The following ATXN7L3B variants were observed in gnomAD, a reference collection of about 807,000 sequenced individuals.
The protein encoded by ATXN7L3B is ataxin-7-like protein 3B.
ATXN7L3B carries 4 observed loss-of-function variants against 6.3 expected under a neutral mutation model. The ratio of observed to expected loss-of-function variants is 0.63; its 90% CI spans 0.31 to 1.45. The LOEUF (loss-of-function observed/expected upper bound fraction) is 1.45. Among genes scored for constraint, ATXN7L3B ranks in the 40% most tolerant of loss-of-function variants. The probability of loss-of-function intolerance (pLI) is 0.07; values close to 1 mark genes in which losing one functional copy is unlikely to be tolerated. For missense variants in ATXN7L3B, 120 were observed against 118.5 expected (o/e 1.01, Z -0.06); for synonymous variants, 63 against 48.0 (o/e 1.31, Z -1.29).
chr12:74,538,817 C>T lies in ATXN7L3B; in HGVS notation c.*411C>T, dbSNP rs1015624695. Reference sequence around the variant, plus strand: ...GTTTGGACGTTACAGTTCGTCAGGCCGTGATCAGTGGCCTGCAGTGGGACT... The same window carrying T: ...GTTTGGACGTTACAGTTCGTCAGGCTGTGATCAGTGGCCTGCAGTGGGACT... On this transcript the variant is annotated 3_prime_UTR_variant, in exon 1 of 1. Transcript: ENST00000519948. 1.3e-4 allele frequency: 25 copies of T among 195,396 alleles called. No homozygotes were observed. The Admixed American group carries it at 1.3e-3, about 10-fold the overall frequency. 12.1% of individuals were successfully genotyped at this position (195,396 alleles called of 1,614,324 possible).
At position 74,544,084 on chromosome 12, in the gene ATXN7L3B, G is replaced by A. The variant is rs1868961882; in HGVS notation, c.*5678G>A. On this transcript the variant is annotated 3_prime_UTR_variant, in exon 1 of 1. Coordinates refer to ENST00000519948, the MANE Select transcript of ATXN7L3B (RefSeq NM_001136262.2). ...CCATTGAAAGTAGTGAGAAAATTTA[G>A]CACAGTTACTGGATATAAGATCAAT... 1 of 151,936 alleles carries A rather than the reference G, an allele frequency of 6.6e-6. No individual in the cohort carries two copies. Among genetic ancestry groups the A allele is most frequent in the Non-Finnish European group, 1.5e-5 (1 of 67,868 alleles). The allele number at this position is 151,936 out of a possible 1,614,324, so 9.4% of individuals were successfully genotyped here. A position where few individuals can be genotyped will look rare whatever the true frequency, so the allele number is the denominator to read the frequency against.
At position 74,544,845 on chromosome 12, in the gene ATXN7L3B, T is replaced by C. The variant is rs981534718; in HGVS notation, c.*6439T>C. The stretch of plus-strand genomic sequence containing the variant: ...ACAAACCAATAACCTGATGTGCTAG[T>C]TGTTTAGTTCTTATAACTGATTAAA... On this transcript the variant is annotated 3_prime_UTR_variant, in exon 1 of 1. Transcript: ENST00000519948. The C allele has an allele frequency of 1.3e-5, 2 of 152,018 alleles. No individual in the cohort carries two copies. The highest frequency in any genetic ancestry group is 2.9e-5 in the Non-Finnish European group (2 of 67,900). 9.4% of individuals were successfully genotyped at this position (152,018 alleles called of 1,614,324 possible).
rs532175314 is a variant in ATXN7L3B, at chr12:74,543,013, G to T, written c.*4607G>T. 1.1e-4 allele frequency: 16 copies of T among 152,202 alleles called. No homozygotes were observed. Among genetic ancestry groups the T allele is most frequent in the African/African-American group, 3.9e-4 (16 of 41,554 alleles). The allele number at this position is 152,202 out of a possible 1,614,324, so 9.4% of individuals were successfully genotyped here. On this transcript the variant is annotated 3_prime_UTR_variant, in exon 1 of 1. Coordinates refer to ENST00000519948, the MANE Select transcript of ATXN7L3B (RefSeq NM_001136262.2). ...GATTTTCATTTATGTTCCAAAAGAT[G>T]CCCATAATGTTGCTTTGGAGGACAG...
At position 74,539,950 on chromosome 12, in the gene ATXN7L3B, T is replaced by C. The variant is rs1194322900; in HGVS notation, c.*1544T>C. ...GCCCTGTGTTCCTCCTGTCCCCTGC[T>C]CCACTGCCTATCTGGTGCCCCAGGT... is the stretch of plus-strand genomic sequence containing the variant. On this transcript the variant is annotated 3_prime_UTR_variant, in exon 1 of 1. Transcript: ENST00000519948. 1 of 167,604 alleles carries C rather than the reference T, an allele frequency of 6.0e-6. No homozygotes were observed. The highest frequency in any genetic ancestry group is 1.5e-5 in the Non-Finnish European group (1 of 68,588). 10.4% of individuals were successfully genotyped at this position (167,604 alleles called of 1,614,324 possible).
rs535849087 is a variant in ATXN7L3B at position 74,543,806 on chromosome 12, C to T, written c.*5400C>T. ...CGAATTATTGCCTAAAAAACAAAGACATTAACAATATAGAAACCAAAGCTC... is the reference window on the plus strand; with the variant it reads ...CGAATTATTGCCTAAAAAACAAAGATATTAACAATATAGAAACCAAAGCTC... On this transcript the variant is annotated 3_prime_UTR_variant, in exon 1 of 1. Transcript: ENST00000519948. The T allele has an allele frequency of 1.3e-5, 2 of 151,976 alleles. No homozygotes were observed. The highest frequency in any genetic ancestry group is 4.2e-4 in the South Asian group (2 of 4,810). The allele number at this position is 151,976 out of a possible 1,614,324, so 9.4% of individuals were successfully genotyped here.
Position 74,538,603 on chromosome 12 carries a change from T to G in ATXN7L3B, c.*197T>G. The G allele has an allele frequency of 1.6e-6, 1 of 614,764 alleles. No homozygotes were observed. Among genetic ancestry groups the G allele is most frequent in the Non-Finnish European group, 2.9e-6 (1 of 346,224 alleles). The allele number at this position is 614,764 out of a possible 1,614,324, so 38.1% of individuals were successfully genotyped here. ...AAAGTGTATTACCTGGAGCAAGCTC[T>G]GAAGCCCTGGGCAGGAGGAGCTGCA... On this transcript the variant is annotated 3_prime_UTR_variant, in exon 1 of 1. Transcript: ENST00000519948.
rs1432979595 is a variant in ATXN7L3B at position 74,538,509 on chromosome 12, GT to G, written c.*107del. On this transcript the variant is annotated 3_prime_UTR_variant, in exon 1 of 1. Transcript: ENST00000519948. ...AAAAAAGTAGAAAAATCAGACAAAA[GT>G]TTTAATTCCCCCTTGAAGATCCTAG... 3 of 1,069,740 alleles carry G rather than the reference GT, an allele frequency of 2.8e-6. No individual in the cohort carries two copies. In the African/African-American group the frequency reaches 4.8e-5, roughly 17 times the overall value. 66.3% of individuals were successfully genotyped at this position (1,069,740 alleles called of 1,614,324 possible).
At position 74,538,971 on chromosome 12, in the gene ATXN7L3B, G is replaced by A. The variant is rs745525345; in HGVS notation, c.*565G>A. 6 of 169,236 alleles carry A rather than the reference G, an allele frequency of 3.5e-5. No individual in the cohort carries two copies. The highest frequency in any genetic ancestry group is 1.3e-4 in the Admixed American group (2 of 15,730). The allele number at this position is 169,236 out of a possible 1,614,324, so 10.5% of individuals were successfully genotyped here. ...AAGAATTATCAAGTTTGATAGGGAAGCTCTGTAGCCTTGACTCCAGCAAGA... is the reference window on the plus strand; with the variant it reads ...AAGAATTATCAAGTTTGATAGGGAAACTCTGTAGCCTTGACTCCAGCAAGA... On this transcript the variant is annotated 3_prime_UTR_variant, in exon 1 of 1. Coordinates refer to ENST00000519948, the MANE Select transcript of ATXN7L3B (RefSeq NM_001136262.2).
rs1868947118 is a variant in ATXN7L3B, at chr12:74,543,455, C to T, written c.*5049C>T. 2 of 151,998 alleles carry T rather than the reference C, an allele frequency of 1.3e-5. No individual in the cohort carries two copies. Among genetic ancestry groups the T allele is most frequent in the Admixed American group, 6.6e-5 (1 of 15,260 alleles). 9.4% of individuals were successfully genotyped at this position (151,998 alleles called of 1,614,324 possible). A position where few individuals can be genotyped will look rare whatever the true frequency, so the allele number is the denominator to read the frequency against. ...AAGGGAAGTCTATTTTAAAATAGAA[C>T]TCAAAAGTAACTCAAGGAATTGTTA... On this transcript the variant is annotated 3_prime_UTR_variant, in exon 1 of 1. Transcript: ENST00000519948.
chr12:74,538,315 G>C lies in ATXN7L3B; in HGVS notation c.203G>C (p.Gly68Ala). ...DFGIQPVEDKGACRLPLCSLP... is the reference protein window; with the variant it reads ...DFGIQPVEDKAACRLPLCSLP... ...GGCATTCAGCCAGTGGAAGACAAAG[G>C]AGCGTGCCGCCTCCCGCTTTGCTCC... is the stretch of plus-strand genomic sequence containing the variant. The change falls in exon 1 of 1, where the codon GGA becomes GCA. Residue 68 changes from glycine to alanine, a missense_variant. Gly to Ala is a moderately conservative substitution (Grantham distance 60). Transcript: ENST00000519948. The C allele has an allele frequency of 6.4e-7, 1 of 1,554,318 alleles. No individual in the cohort carries two copies. Among genetic ancestry groups the C allele is most frequent in the Non-Finnish European group, 8.7e-7 (1 of 1,148,540 alleles).
Position 74,542,856 on chromosome 12 carries a change from G to A in ATXN7L3B, c.*4450G>A, listed in dbSNP as rs1484840178. 6.6e-6 allele frequency: 1 copy of A among 150,714 alleles called. No individual in the cohort carries two copies. The highest frequency in any genetic ancestry group is 1.5e-5 in the Non-Finnish European group (1 of 67,590). The allele number at this position is 150,714 out of a possible 1,614,324, so 9.3% of individuals were successfully genotyped here. On this transcript the variant is annotated 3_prime_UTR_variant, in exon 1 of 1. Coordinates refer to ENST00000519948, the MANE Select transcript of ATXN7L3B (RefSeq NM_001136262.2). ...TTTATGAAGAAACTATGTGCTAAAAGCACAACAATTATTAAATTTATTTTC... is the reference window on the plus strand; with the variant it reads ...TTTATGAAGAAACTATGTGCTAAAAACACAACAATTATTAAATTTATTTTC...
In ATXN7L3B at chr12:74,538,317, G is replaced by A. The variant is rs752023398; in HGVS notation, c.205G>A (p.Ala69Thr). The A allele has an allele frequency of 5.8e-6, 9 of 1,554,002 alleles. No homozygotes were observed. Among genetic ancestry groups the A allele is most frequent in the South Asian group, 1.2e-5 (1 of 84,162 alleles). ...CATTCAGCCAGTGGAAGACAAAGGA[G>A]CGTGCCGCCTCCCGCTTTGCTCCCT... Reference protein sequence around the residue: ...FGIQPVEDKGACRLPLCSLPG... With the variant: ...FGIQPVEDKGTCRLPLCSLPG... Residue 69 changes from alanine (A) to threonine (T), a missense_variant, in exon 1 of 1, where the codon GCG becomes ACG. By Grantham distance (58) the Ala-to-Thr change is moderately conservative. Coordinates refer to ENST00000519948, the MANE Select transcript of ATXN7L3B (RefSeq NM_001136262.2).
In ATXN7L3B at chr12:74,538,151, G is replaced by A; in HGVS notation, c.39G>A (p.Lys13=). The A allele has an allele frequency of 6.3e-7, 1 of 1,575,768 alleles. No homozygotes were observed. Among genetic ancestry groups the A allele is most frequent in the Non-Finnish European group, 8.6e-7 (1 of 1,160,728 alleles). ...EISLANLDTN[K]LEAIAQEIYV... ...CGTTGGCCAACCTGGATACTAACAA[G>A]CTAGAGGCCATCGCTCAGGAGATTT... Residue 13 remains lysine (K), a synonymous_variant, in exon 1 of 1, where the codon AAG becomes AAA. Transcript: ENST00000519948.
chr12:74,542,771 CCTTCT>C lies in ATXN7L3B; in HGVS notation c.*4369_*4373del, dbSNP rs1868929625. The C allele has an allele frequency of 6.6e-6, 1 of 152,098 alleles. No individual in the cohort carries two copies. Among genetic ancestry groups the C allele is most frequent in the Admixed American group, 6.6e-5 (1 of 15,264 alleles). The allele number at this position is 152,098 out of a possible 1,614,324, so 9.4% of individuals were successfully genotyped here. ...GTGCACACATTAATAAGTAACATTG[CCTTCT>C]CTTAAGACCTATCTGAAGTGTTGTG... On this transcript the variant is annotated 3_prime_UTR_variant, in exon 1 of 1. Transcript: ENST00000519948.
At position 74,538,427 on chromosome 12, in the gene ATXN7L3B, A is replaced by G; in HGVS notation, c.*21A>G. ...AGTAGCTGCAAAATGAGAGTCTGAA[A>G]GTGGCCAGGACAATAACATAGACTG... On this transcript the variant is annotated 3_prime_UTR_variant, in exon 1 of 1. Transcript: ENST00000519948. 6.5e-7 allele frequency: 1 copy of G among 1,545,144 alleles called. No homozygotes were observed. Among genetic ancestry groups the G allele is most frequent in the Non-Finnish European group, 8.7e-7 (1 of 1,143,342 alleles).
In ATXN7L3B at chr12:74,540,926, C is replaced by T; in HGVS notation, c.*2520C>T. 6.0e-6 allele frequency: 1 copy of T among 167,176 alleles called. No homozygotes were observed. 10.4% of individuals were successfully genotyped at this position (167,176 alleles called of 1,614,324 possible). A position where few individuals can be genotyped will look rare whatever the true frequency, so the allele number is the denominator to read the frequency against. Reference sequence around the variant, plus strand: ...CTACCAATAGGGCAGTAGCCTCCTGCCCTGGATGGGTATAAGGTGGGCTTG... The same window carrying T: ...CTACCAATAGGGCAGTAGCCTCCTGTCCTGGATGGGTATAAGGTGGGCTTG... On this transcript the variant is annotated 3_prime_UTR_variant, in exon 1 of 1. Coordinates refer to ENST00000519948, the MANE Select transcript of ATXN7L3B (RefSeq NM_001136262.2).
chr12:74,544,111 T>G lies in ATXN7L3B; in HGVS notation c.*5705T>G, dbSNP rs1306224089. ...ACAGTTACTGGATATAAGATCAATATCTAAAATCAGAATACCAACATTTAA... is the reference window on the plus strand; with the variant it reads ...ACAGTTACTGGATATAAGATCAATAGCTAAAATCAGAATACCAACATTTAA... On this transcript the variant is annotated 3_prime_UTR_variant, in exon 1 of 1. Coordinates refer to ENST00000519948, the MANE Select transcript of ATXN7L3B (RefSeq NM_001136262.2). 1 of 152,010 alleles carries G rather than the reference T, an allele frequency of 6.6e-6. No individual in the cohort carries two copies. The highest frequency in any genetic ancestry group is 1.5e-5 in the Non-Finnish European group (1 of 67,864). The allele number at this position is 152,010 out of a possible 1,614,324, so 9.4% of individuals were successfully genotyped here. A position where few individuals can be genotyped will look rare whatever the true frequency, so the allele number is the denominator to read the frequency against.
At position 74,542,177 on chromosome 12, in the gene ATXN7L3B, G is replaced by A. The variant is rs1051147387; in HGVS notation, c.*3771G>A. On this transcript the variant is annotated 3_prime_UTR_variant, in exon 1 of 1. Transcript: ENST00000519948. ...TGAGTCTTCTCTTCTAGGAGCACTCGATGTACTTGTCACTGTCCAGTTTAA... is the reference window on the plus strand; with the variant it reads ...TGAGTCTTCTCTTCTAGGAGCACTCAATGTACTTGTCACTGTCCAGTTTAA... 4 of 152,138 alleles carry A rather than the reference G, an allele frequency of 2.6e-5. No homozygotes were observed. The highest frequency in any genetic ancestry group is 9.7e-5 in the African/African-American group (4 of 41,424). The allele number at this position is 152,138 out of a possible 1,614,324, so 9.4% of individuals were successfully genotyped here. A position where few individuals can be genotyped will look rare whatever the true frequency, so the allele number is the denominator to read the frequency against.
chr12:74,540,204 C>G lies in ATXN7L3B; in HGVS notation c.*1798C>G, dbSNP rs1868852215. ...TTTGTATTTAAAATGCAGTGTCATG[C>G]CTATAAGCATTTCTCCTATATAGGA... is the stretch of plus-strand genomic sequence containing the variant. On this transcript the variant is annotated 3_prime_UTR_variant, in exon 1 of 1. Coordinates refer to ENST00000519948, the MANE Select transcript of ATXN7L3B (RefSeq NM_001136262.2). 6.0e-6 allele frequency: 1 copy of G among 166,862 alleles called. No homozygotes were observed. Among genetic ancestry groups the G allele is most frequent in the Non-Finnish European group, 1.5e-5 (1 of 68,094 alleles). 10.3% of individuals were successfully genotyped at this position (166,862 alleles called of 1,614,324 possible). A position where few individuals can be genotyped will look rare whatever the true frequency, so the allele number is the denominator to read the frequency against.
Sources: allele counts gnomAD v4.1 joint callset, GRCh38; gene constraint gnomAD v4.1.1; transcripts MANE v1.5; gene names NCBI Gene and HGNC (gene_info 2026-07-23, HGNC 2026-07-21).